The following CDKN2A variants were observed in gnomAD, a reference collection of about 807,000 sequenced individuals.
CDKN2A encodes cyclin-dependent kinase inhibitor 2A.
Under a neutral mutation model 11.1 loss-of-function variants are expected in CDKN2A, and 3 were observed. The ratio of observed to expected loss-of-function variants is 0.27; its 90% confidence interval spans 0.12 to 0.70. The LOEUF (loss-of-function observed/expected upper bound fraction) is 0.70, where lower values mean the gene tolerates loss of function less well. Ranked by LOEUF, CDKN2A falls within the 30% of genes least tolerant of loss-of-function variation. CDKN2A has a pLI of 0.77. For synonymous variants in CDKN2A, 122 were observed against 108.1 expected (o/e 1.13, Z -0.80); for missense variants, 265 against 233.6 (o/e 1.13, Z -0.88).
In CDKN2A at chr9:21,967,972, A is replaced by G. The variant is rs1819491520; in HGVS notation, c.*257T>C. On this transcript the variant is annotated 3_prime_UTR_variant, in exon 3 of 3. Coordinates refer to ENST00000304494, the MANE Select transcript of CDKN2A (RefSeq NM_000077.5). The stretch of plus-strand genomic sequence containing the variant: ...TGCTCACTCCAGAAAACTCCAACAC[A>G]GTGAAAAGGCAGAAGCGGTGTTTTT... The G allele has an allele frequency of 1.9e-6, 1 of 513,848 alleles. No homozygotes were observed. The highest frequency in any genetic ancestry group is 1.9e-5 in the African/African-American group (1 of 52,704). 31.8% of individuals were successfully genotyped at this position (513,848 alleles called of 1,614,324 possible). A position where few individuals can be genotyped will look rare whatever the true frequency, so the allele number is the denominator to read the frequency against.
chr9:21,968,416 C>T lies in CDKN2A; in HGVS notation c.458-174G>A. 1.0e-6 allele frequency: 1 copy of T among 979,274 alleles called. No individual in the cohort carries two copies. Among genetic ancestry groups the T allele is most frequent in the Non-Finnish European group, 1.2e-6 (1 of 824,262 alleles). The allele number at this position is 979,274 out of a possible 1,614,324, so 60.7% of individuals were successfully genotyped here. ...CACCGCTCTCCCACACCTCCCTGGT[C>T]CAGCAGCTAGTCCACTGCCCGCCTG... On this transcript the variant is annotated intron_variant, in intron 2 of 2. Coordinates refer to ENST00000304494, the MANE Select transcript of CDKN2A (RefSeq NM_000077.5). This position sits in a 1 kb window ranked among gnomAD's most constrained non-coding sequence, Gnocchi z 4.7.
chr9:21,971,254 T>A (rs776879029), intron 1 of CDKN2A, 46 bp from the exon 2 acceptor site: 4 of 1,575,436 alleles, frequency 2.5e-6, no homozygotes, highest in Non-Finnish European at 3.4e-6. Flanking sequence ...GGGGCCGGCA[T>A]GACGGAAAGG....
chr9:21,986,923 TGAGA>T (rs1191126881), intron 2 of CDKN2A, among the ~76,000 whole-genome samples: 1 of 151,876 alleles, frequency 6.6e-6, no homozygotes, highest in African/African-American at 2.4e-5. Context: ...TTAAATTGGG[TGAGA>T]GAGTTATACA....
chr9:21,974,871 C>T (rs1340288719), upstream of CDKN2A: 1 of 1,482,936 alleles, frequency 6.7e-7, no homozygotes. This position sits in a 1 kb window ranked among gnomAD's most constrained non-coding sequence, Gnocchi z 5.2. Context: ...CTCTCCGCAG[C>T]CGCCGAGCGC....
chr9:21,991,704 A>G lies in CDKN2A; in HGVS notation c.-4+2178T>C, dbSNP rs1820434708. 1 of 983,434 alleles carries G rather than the reference A, an allele frequency of 1.0e-6. No individual in the cohort carries two copies. The highest frequency in any genetic ancestry group is 5.2e-4 in the Middle Eastern group (1 of 1,914). 60.9% of individuals were successfully genotyped at this position (983,434 alleles called of 1,614,324 possible). ...GATCTGTAAACCATCATAGACGGTA[A>G]TAGGCTATGTTGTTGCTACCTTAGG... On this transcript the variant is annotated intron_variant, in intron 2 of 3. Transcript: ENST00000494262. The surrounding 1 kb of genome is among the most constrained non-coding windows in gnomAD (Gnocchi z 5.2).
At chr9:21,987,606 G>T (rs1170686149) in intron 2 of CDKN2A, among the ~76,000 whole-genome samples, 2 of 151,956 alleles carry the variant, frequency 1.3e-5, no homozygotes, top group East Asian at 3.8e-4. Context: ...CTCAAACTAT[G>T]TTCTGACTGT....
chr9:21,990,611 T>TGAGAGAGAGAGAGAGAGA (rs60431211), intron 2 of CDKN2A, among the ~76,000 whole-genome samples: 5,770 of 89,362 alleles, frequency 0.065, 835 homozygotes, highest in East Asian at 0.071. Context: ...ACTAATTTGG[T>TGAGAGAGAGAGAGAGAGA]GAGAGAGAGA....
At position 21,970,907 on chromosome 9, in the gene CDKN2A, G is replaced by T. The variant is rs1060501275; in HGVS notation, c.452C>A (p.Pro151His). The change falls in exon 2 of 3, where the codon CCC (proline) becomes CAC (histidine). Residue 151 changes from proline to histidine, a missense_variant. Pro to His is a moderately conservative substitution (Grantham distance 77). Transcript: ENST00000304494. ...CTCAGATCATCAGTCCTCACCTGAGGGACCTTCCGCGGCATCTATGCGGGC... is the reference window on the plus strand; with the variant it reads ...CTCAGATCATCAGTCCTCACCTGAGTGACCTTCCGCGGCATCTATGCGGGC... Reference protein sequence around the residue: ...NHARIDAAEGPSDIPD With the variant: ...NHARIDAAEGHSDIPD 1 of 1,611,922 alleles carries T rather than the reference G, an allele frequency of 6.2e-7. No individual in the cohort carries two copies. The highest frequency in any genetic ancestry group is 8.5e-7 in the Non-Finnish European group (1 of 1,180,024).
rs992069288 is a variant in CDKN2A, at chr9:21,988,365, G to A, written c.-4+5517C>T. ...CATACTATTTTTTGAAAGGACCTCT[G>A]ATGCTTTGGGAATTTCAATCCTGTA... is the stretch of plus-strand genomic sequence containing the variant. On this transcript the variant is annotated intron_variant, in intron 2 of 3. Transcript: ENST00000494262. This position sits in a 1 kb window ranked among gnomAD's most constrained non-coding sequence, Gnocchi z 4.1. Among the ~76,000 whole-genome samples the A allele has an allele frequency of 3.9e-5, 6 of 152,096 alleles. No individual in the cohort carries two copies. The highest frequency in any genetic ancestry group is 1.4e-4 in the African/African-American group (6 of 41,406).
rs76231003 is a variant in CDKN2A at position 21,985,041 on chromosome 9, C to G, written c.-4+8841G>C. On this transcript the variant is annotated intron_variant, in intron 2 of 3. Coordinates refer to the CDKN2A transcript ENST00000494262. ...CAACTTCTTGATGAAATATAATCAA[C>G]TTTGATTAAATAAGTAACTGCTTCC... Among the ~76,000 whole-genome samples, 267 of 152,094 alleles carry G rather than the reference C, an allele frequency of 1.8e-3. 2 individuals are homozygous for G. Among genetic ancestry groups the G allele is most frequent in the African/African-American group, 6.2e-3 (258 of 41,552 alleles).
At chr9:21,975,023 G>A, upstream of CDKN2A, 1 of 1,380,646 alleles carries the variant, frequency 7.2e-7, no homozygotes, top group South Asian at 1.7e-5. Context: ...GACGCCGTGA[G>A]CGAGTGCTCG....
At position 21,974,753 on chromosome 9, in the gene CDKN2A, T is replaced by C. The variant is rs980682752; in HGVS notation, c.75A>G (p.Val25=). 11 of 1,610,628 alleles carry C rather than the reference T, an allele frequency of 6.8e-6. No individual in the cohort carries two copies. Among genetic ancestry groups the C allele is most frequent in the Non-Finnish European group, 9.3e-6 (11 of 1,179,478 alleles). Residue 25 remains valine, a synonymous_variant, in exon 1 of 3, where the codon GTA becomes GTG. Coordinates refer to ENST00000304494, the MANE Select transcript of CDKN2A (RefSeq NM_000077.5). This position sits in a 1 kb window ranked among gnomAD's most constrained non-coding sequence, Gnocchi z 5.2. ...CCTCCAGCAGCGCCCGCACCTCCTC[T>C]ACCCGACCCCGGGCCGCGGCCGTGG... ...WLATAAARGR[V]EEVRALLEAG...
intron 2 of CDKN2A, among the ~76,000 whole-genome samples, chr9:21,983,622 T>C (rs1431367997): frequency 6.6e-6 from 1 of 152,070 alleles, no homozygotes; most frequent in Non-Finnish European, 1.5e-5. Context: ...AGCCACCATT[T>C]TGATTTATAG....
chr9:21,974,715 G>T lies in CDKN2A; in HGVS notation c.113C>A (p.Pro38His). Residue 38 changes from proline to histidine, a missense_variant, in exon 1 of 3, where the codon CCC (proline) becomes CAC (histidine). Coordinates refer to ENST00000304494, the MANE Select transcript of CDKN2A (RefSeq NM_000077.5). The surrounding 1 kb of genome is among the most constrained non-coding windows in gnomAD (Gnocchi z 5.2). ...VRALLEAGAL[P>H]NAPNSYGRRP... ...CCGACCGTAACTATTCGGTGCGTTG[G>T]GCAGCGCCCCCGCCTCCAGCAGCGC... The T allele has an allele frequency of 6.2e-7, 1 of 1,612,098 alleles. No homozygotes were observed. The highest frequency in any genetic ancestry group is 8.5e-7 in the Non-Finnish European group (1 of 1,179,830).
intron 1 of CDKN2A, 118 bp from the exon 2 acceptor site, chr9:21,971,326 T>A (rs1027205800): frequency 1.3e-5 from 20 of 1,519,596 alleles, no homozygotes; most frequent in Non-Finnish European, 1.6e-5. Flanking sequence ...GGTGTCTAAT[T>A]ACCCCTACAT....
chr9:21,968,249 A>T lies in CDKN2A; in HGVS notation c.458-7T>A. The T allele has an allele frequency of 6.2e-7, 1 of 1,613,910 alleles. No homozygotes were observed. Among genetic ancestry groups the T allele is most frequent in the Non-Finnish European group, 8.5e-7 (1 of 1,179,882 alleles). Reference sequence around the variant, plus strand: ...TTCTTTCAATCGGGGATGTCTGCAGAGGGCAGAAAGAAAACAGGCGTTAGA... The same window carrying T: ...TTCTTTCAATCGGGGATGTCTGCAGTGGGCAGAAAGAAAACAGGCGTTAGA... On this transcript the variant is annotated splice_polypyrimidine_tract_variant and splice_region_variant and intron_variant, in intron 2 of 2. Transcript: ENST00000304494. This position sits in a 1 kb window ranked among gnomAD's most constrained non-coding sequence, Gnocchi z 4.7.
At position 21,991,724 on chromosome 9, in the gene CDKN2A, C is replaced by G. The variant is rs753607394; in HGVS notation, c.-4+2158G>C. ...CGGTAATAGGCTATGTTGTTGCTAC[C>G]TTAGGATCATAATGGACTTTCTAAA... On this transcript the variant is annotated intron_variant, in intron 2 of 3. Transcript: ENST00000494262. The surrounding 1 kb of genome is among the most constrained non-coding windows in gnomAD (Gnocchi z 5.2). 15 of 983,666 alleles carry G rather than the reference C, an allele frequency of 1.5e-5. No homozygotes were observed. The highest frequency in any genetic ancestry group is 1.8e-5 in the Non-Finnish European group (15 of 828,636). 60.9% of individuals were successfully genotyped at this position (983,666 alleles called of 1,614,324 possible).
intron 2 of CDKN2A, among the ~76,000 whole-genome samples, chr9:21,984,639 T>C (rs1359775840): frequency 1.3e-5 from 2 of 152,022 alleles, no homozygotes; most frequent in African/African-American, 4.8e-5. Context: ...CACAGATAAA[T>C]AATAATGTAT....
intron 2 of CDKN2A, among the ~76,000 whole-genome samples, chr9:21,983,883 C>T (rs975530776): frequency 5.3e-4 from 80 of 152,030 alleles, no homozygotes; most frequent in African/African-American, 1.9e-3. Flanking sequence ...ACTGACCTCT[C>T]ATTTACCAGC....
Sources: gnomAD v4.1 joint callset for allele counts (sites outside exome capture counted in the v4.1 genomes callset) on GRCh38, gnomAD v4.1.1 for gene constraint, Gnocchi (gnomAD v3.1) non-coding constraint, MANE v1.5 for transcripts, NCBI Gene and HGNC (gene_info 2026-07-23, HGNC 2026-07-21) for gene names.